The following TLL1 variants were observed in gnomAD, a reference collection of about 807,000 sequenced individuals.
The protein encoded by TLL1 is tolloid-like protein 1.
A neutral mutation model predicts 128.2 loss-of-function variants in TLL1; 49 were observed. The observed-to-expected ratio is 0.38, with a 90% CI of 0.30 to 0.48. The LOEUF (loss-of-function observed/expected upper bound fraction) is 0.48, where lower values mean the gene tolerates loss of function less well. TLL1 is among the 20% of genes least tolerant of loss of function. The pLI, the probability that TLL1 is intolerant of heterozygous loss-of-function variation, is 0.96. For missense variants in TLL1, 1,123 were observed against 1,242.0 expected (o/e 0.90, Z 1.44); for synonymous variants, 454 against 418.8 (o/e 1.08, Z -1.03).
rs1742369972 is a variant in TLL1, at chr4:166,103,253, T to C, written c.*2377T>C. 6.6e-6 allele frequency: 1 copy of C among 151,810 alleles called. No homozygotes were observed. Among genetic ancestry groups the C allele is most frequent in the African/African-American group, 2.4e-5 (1 of 41,400 alleles). The allele number at this position is 151,810 out of a possible 1,614,324, so 9.4% of individuals were successfully genotyped here. A position where few individuals can be genotyped will look rare whatever the true frequency, so the allele number is the denominator to read the frequency against. ...GAAACTTTCCCACATAAAGTAAATT[T>C]TAGGGGTGAATTAGAGTAAAACTTA... On this transcript the variant is annotated 3_prime_UTR_variant, in exon 21 of 21. Transcript: ENST00000061240.
chr4:165,973,593 G>A lies in TLL1; in HGVS notation c.170-15788G>A, dbSNP rs112390716. On this transcript the variant is annotated intron_variant, in intron 1 of 20. Coordinates refer to ENST00000061240, the MANE Select transcript of TLL1 (RefSeq NM_012464.5). ...AAGGGGAGGTAAGGGCAGATCTTGA[G>A]GGGTGCATTTTGTCTTTCAGGGGAG... Among the ~76,000 whole-genome samples, 330 of 151,868 alleles carry A rather than the reference G, an allele frequency of 2.2e-3. 5 individuals carry two copies. Among genetic ancestry groups the A allele is most frequent in the African/African-American group, 7.1e-3 (294 of 41,392 alleles).
At chr4:166,046,111 A>G (rs922219603) in intron 12 of TLL1, among the ~76,000 whole-genome samples, 1 of 152,182 alleles carries the variant, frequency 6.6e-6, no homozygotes, top group Non-Finnish European at 1.5e-5. Flanking sequence ...GTCTCTGATC[A>G]TTTTATCTCC....
intron 17 of TLL1, among the ~76,000 whole-genome samples, chr4:166,075,679 C>G (rs2111137956): frequency 6.6e-6 from 1 of 152,302 alleles, no homozygotes; most frequent in South Asian, 2.1e-4. Context: ...CTTTGACAGT[C>G]TGTTCCCGAA....
At chr4:165,959,590 G>C (rs1187864804) in intron 1 of TLL1, among the ~76,000 whole-genome samples, 1 of 151,958 alleles carries the variant, frequency 6.6e-6, no homozygotes, top group Non-Finnish European at 1.5e-5. Context: ...CACATGCTTG[G>C]CCATAAAACA....
intron 9 of TLL1, among the ~76,000 whole-genome samples, chr4:166,035,306 A>G (rs762264607): frequency 2.6e-5 from 4 of 152,216 alleles, no homozygotes; most frequent in Non-Finnish European, 5.9e-5. Context: ...GAATAAGGAA[A>G]TGGAGTAATA....
chr4:166,044,359 C>T (rs1239873653), intron 12 of TLL1: 1 of 1,535,446 alleles, frequency 6.5e-7, no homozygotes, highest in South Asian at 1.2e-5. Context: ...GTGTCTGTAC[C>T]TGCAGCAGGA....
intron 15 of TLL1, among the ~76,000 whole-genome samples, chr4:166,064,889 C>T (rs781349091): frequency 1.3e-5 from 2 of 152,004 alleles, no homozygotes; most frequent in African/African-American, 4.8e-5. Flanking sequence ...GATCTTGCCC[C>T]AGGGTTCAAT....
chr4:165,916,879 A>G (rs77580166), intron 1 of TLL1, among the ~76,000 whole-genome samples: 3,237 of 152,216 alleles, frequency 0.021, 123 homozygotes, highest in African/African-American at 0.073. Context: ...TGATGAAATA[A>G]TAGTATTATT....
At chr4:166,062,075 A>C (rs189381425) in intron 15 of TLL1, among the ~76,000 whole-genome samples, 1 of 152,052 alleles carries the variant, frequency 6.6e-6, no homozygotes, top group African/African-American at 2.4e-5. Flanking sequence ...CCATTGATCT[A>C]TATCTCTGTG....
At chr4:165,940,097 T>G (rs1397676040) in intron 1 of TLL1, among the ~76,000 whole-genome samples, 1 of 152,088 alleles carries the variant, frequency 6.6e-6, no homozygotes, top group African/African-American at 2.4e-5. Context: ...TCACTTTTAC[T>G]ATCACATCTA....
At chr4:165,957,185 A>G (rs1447242507) in intron 1 of TLL1, among the ~76,000 whole-genome samples, 1 of 152,156 alleles carries the variant, frequency 6.6e-6, no homozygotes, top group Non-Finnish European at 1.5e-5. Flanking sequence ...TGGAAATTAA[A>G]AAGAGCAGGG....
intron 18 of TLL1, among the ~76,000 whole-genome samples, chr4:166,078,367 G>T (rs992714964): frequency 2.6e-5 from 4 of 152,156 alleles, no homozygotes; most frequent in Admixed American, 1.3e-4. Context: ...ATCGGAATTT[G>T]CCAGAAAGCG....
At chr4:166,016,973 G>A (rs182354844) in intron 8 of TLL1, among the ~76,000 whole-genome samples, 29 of 151,742 alleles carry the variant, frequency 1.9e-4, no homozygotes, top group South Asian at 8.3e-4. Context: ...TATATGTGCA[G>A]GCTTGTTACG....
intron 1 of TLL1, among the ~76,000 whole-genome samples, chr4:165,932,851 G>T (rs2110909062): frequency 6.6e-6 from 1 of 152,052 alleles, no homozygotes; most frequent in East Asian, 1.9e-4. Flanking sequence ...GGAATAAATT[G>T]TGATATTGAA....
chr4:165,941,613 A>G (rs1272354060), intron 1 of TLL1, among the ~76,000 whole-genome samples: 1 of 152,156 alleles, frequency 6.6e-6, no homozygotes, highest in African/African-American at 2.4e-5. Flanking sequence ...TAGATATTTA[A>G]TGCCCAGTGT....
chr4:166,065,617 T>C (rs1345458759), intron 15 of TLL1, 66 bp from the exon 16 acceptor site: 4 of 1,543,674 alleles, frequency 2.6e-6, no homozygotes, highest in Non-Finnish European at 2.7e-6. Context: ...GATATGTTTT[T>C]TTAAGATAAA....
At chr4:166,002,052 A>G (rs1737188831) in intron 5 of TLL1, among the ~76,000 whole-genome samples, 1 of 152,162 alleles carries the variant, frequency 6.6e-6, no homozygotes, top group Non-Finnish European at 1.5e-5. Flanking sequence ...TGTTATAACA[A>G]AATGTCATAG....
intron 9 of TLL1, among the ~76,000 whole-genome samples, chr4:166,036,318 A>C (rs931754488): frequency 6.6e-6 from 1 of 152,208 alleles, no homozygotes; most frequent in African/African-American, 2.4e-5. Context: ...CAACGTTGCA[A>C]CTTAGACTCC....
At chr4:166,096,356 A>C (rs1009354158) in intron 19 of TLL1, among the ~76,000 whole-genome samples, 47 of 148,788 alleles carry the variant, frequency 3.2e-4, no homozygotes, top group Admixed American at 7.3e-4. Context: ...GGCGGGGGGA[A>C]CTTCTTGTTG....
Sources: allele counts gnomAD v4.1 joint callset (sites outside exome capture counted in the v4.1 genomes callset), GRCh38; gene constraint gnomAD v4.1.1; transcripts MANE v1.5; gene names NCBI Gene and HGNC (gene_info 2026-07-23, HGNC 2026-07-21).